TUBA1C: variants seen among roughly 807,000 people sequenced by gnomAD.
TUBA1C encodes tubulin alpha-1C chain.
TUBA1C carries 16 observed loss-of-function variants against 34.9 expected under a neutral mutation model. The observed-to-expected ratio is 0.46, with a 90% CI of 0.31 to 0.70. The LOEUF is 0.70. Among genes scored for constraint, TUBA1C ranks in the 30% least tolerant of loss-of-function variants. The pLI, the probability that TUBA1C is intolerant of heterozygous loss-of-function variation, is 0.05. For synonymous variants in TUBA1C, 177 were observed against 215.9 expected (o/e 0.82, Z 1.58); for missense variants, 329 against 587.3 (o/e 0.56, Z 4.55).
At chr12:49,265,957 TAAAAAAAAAA>T (rs35622750) in intron 1 of TUBA1C, among the ~76,000 whole-genome samples, 136 of 91,850 alleles carry the variant, frequency 1.5e-3, no homozygotes, top group Non-Finnish European at 2.1e-3. Flanking sequence ...GTCTCTACTT[TAAAAAAAAAA>T]AAAAACAAAA....
At chr12:49,252,968 A>G (rs1942745751) in intron 1 of TUBA1C, among the ~76,000 whole-genome samples, 1 of 150,998 alleles carries the variant, frequency 6.6e-6, no homozygotes, top group South Asian at 2.1e-4. Flanking sequence ...CTGTAATCCC[A>G]GCCACTTGGG....
chr12:49,236,854 A>G (rs1232821833), intron 1 of TUBA1C, among the ~76,000 whole-genome samples: 1 of 152,202 alleles, frequency 6.6e-6, no homozygotes, highest in African/African-American at 2.4e-5. Flanking sequence ...ACAGAAAAGG[A>G]ACAGTATTTG....
At position 49,258,864 on chromosome 12, in the gene TUBA1C, T is replaced by G. The variant is rs7974890; in HGVS notation, c.214-10601T>G. ...CTCCACCTTCCAGGTTCAAACAATT[T>G]TCTTGCCTCAGCCTCCCGAGTAGCT... On this transcript the variant is annotated intron_variant, in intron 1 of 3. Transcript: ENST00000541364. Among the ~76,000 whole-genome samples the G allele has an allele frequency of 1.5e-4, 23 of 151,960 alleles. 1 individual carries two copies. Among genetic ancestry groups the G allele is most frequent in the African/African-American group, 5.1e-4 (21 of 41,432 alleles).
Position 49,246,095 on chromosome 12 carries a change from C to T in TUBA1C, c.213+17929C>T, listed in dbSNP as rs554650051. On this transcript the variant is annotated intron_variant, in intron 1 of 3. Transcript: ENST00000541364. ...AATTTTTGTATTTTTTAGTAGAGAC[C>T]GGGTTTCACCATGTTAGCCAGGCTG... 1.7e-3 allele frequency among the ~76,000 whole-genome samples: 264 copies of T among 151,890 alleles called. 1 individual carries two copies. The highest frequency in any genetic ancestry group is 6.0e-3 in the African/African-American group (250 of 41,496).
At chr12:49,271,523 CTTAA>C (rs1327391613) in intron 3 of TUBA1C, among the ~76,000 whole-genome samples, 1 of 152,216 alleles carries the variant, frequency 6.6e-6, no homozygotes, top group Non-Finnish European at 1.5e-5. Context: ...TGAGTACTTA[CTTAA>C]TTCTCAACCT....
At chr12:49,270,224 G>C in intron 3 of TUBA1C, 1 of 674,058 alleles carries the variant, frequency 1.5e-6, no homozygotes, top group East Asian at 2.9e-5. Context: ...GGTCATCTTA[G>C]TCATACTGAG....
chr12:49,253,701 A>T (rs182595188), intron 1 of TUBA1C, among the ~76,000 whole-genome samples: 2 of 152,058 alleles, frequency 1.3e-5, no homozygotes, highest in African/African-American at 2.4e-5. Flanking sequence ...CTAATTTTAA[A>T]TTTTTTTGTA....
intron 1 of TUBA1C, among the ~76,000 whole-genome samples, chr12:49,242,806 C>CTGT (rs369995862): frequency 2.0e-5 from 3 of 151,890 alleles, no homozygotes; most frequent in Non-Finnish European, 1.5e-5. Flanking sequence ...ACTTCTAATT[C>CTGT]TGTTGTTGTT....
intron 1 of TUBA1C, among the ~76,000 whole-genome samples, chr12:49,267,206 C>T (rs12310093): frequency 1.6e-4 from 25 of 152,122 alleles, no homozygotes; most frequent in African/African-American, 6.0e-4. Context: ...AGAAAAATTG[C>T]GGGCGCAAAA....
rs1943015521 is a variant in TUBA1C, at chr12:49,273,046, GC to G, written c.1171del (p.Leu391TrpfsTer7). On this transcript the variant is annotated frameshift_variant, in exon 4 of 4. Coordinates refer to ENST00000301072, the MANE Select transcript of TUBA1C (RefSeq NM_032704.5). LOFTEE classifies it high-confidence loss of function. The stretch of plus-strand genomic sequence containing the variant: ...ACAGCTGTTGCCGAGGCCTGGGCTC[GC>G]CTGGACCACAAGTTTGACCTGATGT... ...NTTAVAEAWA[R>X]LDHKFDLMYA... is the part of the protein sequence containing the mutation. 6.2e-7 allele frequency: 1 copy of G among 1,614,054 alleles called. No individual in the cohort carries two copies. The highest frequency in any genetic ancestry group is 1.7e-5 in the Admixed American group (1 of 59,996).
At chr12:49,258,982 C>G (rs897953163) in intron 1 of TUBA1C, among the ~76,000 whole-genome samples, 2 of 152,076 alleles carry the variant, frequency 1.3e-5, no homozygotes, top group African/African-American at 4.8e-5. Context: ...TAGTCTCGAA[C>G]TCCTGACCTC....
At chr12:49,265,228 G>C in intron 1 of TUBA1C, 44 bp downstream of exon 1, 1 of 1,547,042 alleles carries the variant, frequency 6.5e-7, no homozygotes, top group Non-Finnish European at 8.8e-7. Context: ...GCGCGTCCCA[G>C]GGGACGGCGG....
intron 1 of TUBA1C, among the ~76,000 whole-genome samples, chr12:49,246,861 A>G (rs1365089018): frequency 6.6e-6 from 1 of 151,360 alleles, no homozygotes; most frequent in Non-Finnish European, 1.5e-5. Context: ...AAGTAAAACA[A>G]GGCCGGGCAC....
chr12:49,267,902 T>C (rs1218311279), intron 1 of TUBA1C, among the ~76,000 whole-genome samples: 1 of 152,238 alleles, frequency 6.6e-6, no homozygotes, highest in Non-Finnish European at 1.5e-5. Context: ...CCAAAGTGGC[T>C]AATCTGACTT....
intron 1 of TUBA1C, among the ~76,000 whole-genome samples, chr12:49,254,771 A>G (rs1942766491): frequency 1.3e-5 from 2 of 151,840 alleles, no homozygotes; most frequent in South Asian, 4.2e-4. Flanking sequence ...ATGTGGCTAA[A>G]TTTTCAAGCT....
intron 1 of TUBA1C, among the ~76,000 whole-genome samples, chr12:49,259,055 G>A (rs1009378736): frequency 8.6e-5 from 13 of 151,678 alleles, no homozygotes; most frequent in African/African-American, 2.9e-4. Context: ...CACCGCACCC[G>A]GCCAAAAATG....
At chr12:49,243,262 A>T (rs1299579741) in intron 1 of TUBA1C, among the ~76,000 whole-genome samples, 1 of 152,122 alleles carries the variant, frequency 6.6e-6, no homozygotes, top group Non-Finnish European at 1.5e-5. Flanking sequence ...CCTGGCCAAC[A>T]TGGAGAAAAC....
intron 1 of TUBA1C, among the ~76,000 whole-genome samples, chr12:49,265,463 A>T (rs1942894670): frequency 1.3e-5 from 2 of 152,238 alleles, no homozygotes; most frequent in Admixed American, 6.5e-5. Flanking sequence ...CTACTGCCCT[A>T]GGGAGGAAGG....
chr12:49,267,924 C>T (rs1272958468), intron 1 of TUBA1C, among the ~76,000 whole-genome samples: 2 of 152,160 alleles, frequency 1.3e-5, no homozygotes, highest in Non-Finnish European at 2.9e-5. Context: ...TGATGAAATG[C>T]CAAACACCCT....
Sources: gnomAD v4.1 joint callset for allele counts (sites outside exome capture counted in the v4.1 genomes callset) on GRCh38, gnomAD v4.1.1 for gene constraint, MANE v1.5 for transcripts, NCBI Gene and HGNC (gene_info 2026-07-23, HGNC 2026-07-21) for gene names.